ULK4: variants seen among roughly 807,000 people sequenced by gnomAD.
ULK4 encodes the protein inactive serine/threonine-protein kinase ULK4.
ULK4 carries 133 observed loss-of-function variants against 160.6 expected under a neutral mutation model. The ratio of observed to expected loss-of-function variants is 0.83; its 90% CI spans 0.72 to 0.96. ULK4 has a LOEUF of 0.96. Among genes scored for constraint, ULK4 ranks in the 40% least tolerant of loss-of-function variants. ULK4 has a pLI of 0.00. For missense variants in ULK4, 1,580 were observed against 1,499.5 expected, an observed-to-expected ratio of 1.05 and a Z score of -0.89; for synonymous variants, 534 against 539.8, an observed-to-expected ratio of 0.99 and a Z score of 0.15.
chr3:41,710,141 A>T (rs973532293), intron 25 of ULK4, among the ~76,000 whole-genome samples: 6 of 152,230 alleles, frequency 3.9e-5, no homozygotes, highest in African/African-American at 1.4e-4. Context: ...TAAATGCTGA[A>T]ATTATTATTA....
At chr3:41,609,000 C>A (rs2032524114) in intron 31 of ULK4, among the ~76,000 whole-genome samples, 1 of 152,168 alleles carries the variant, frequency 6.6e-6, no homozygotes, top group Non-Finnish European at 1.5e-5. Flanking sequence ...ACTATTTCCT[C>A]AAAGTGAGCA....
intron 5 of ULK4, among the ~76,000 whole-genome samples, chr3:41,922,061 G>C (rs1699203768): frequency 6.6e-6 from 1 of 152,022 alleles, no homozygotes; most frequent in Non-Finnish European, 1.5e-5. Context: ...GCTGAGGCAG[G>C]AGAATGGCAT....
At chr3:41,751,943 A>G (rs2038646125) in intron 22 of ULK4, among the ~76,000 whole-genome samples, 1 of 152,194 alleles carries the variant, frequency 6.6e-6, no homozygotes. Context: ...GAGTGTGCCC[A>G]AAGAAGACAA....
intron 16 of ULK4, among the ~76,000 whole-genome samples, chr3:41,886,719 G>A (rs1399487521): frequency 1.3e-5 from 2 of 152,030 alleles, no homozygotes; most frequent in Admixed American, 6.5e-5. Context: ...GGGATTACAG[G>A]CACGCACCAC....
At chr3:41,552,239 T>C (rs2087097333) in intron 32 of ULK4, among the ~76,000 whole-genome samples, 1 of 151,726 alleles carries the variant, frequency 6.6e-6, no homozygotes, top group African/African-American at 2.4e-5. Flanking sequence ...CTATACAACA[T>C]AAAATTGGAA....
intron 35 of ULK4, among the ~76,000 whole-genome samples, chr3:41,373,295 C>T (rs549318869): frequency 6.6e-6 from 1 of 152,052 alleles, no homozygotes; most frequent in Non-Finnish European, 1.5e-5. Context: ...ACCTAATAGA[C>T]CTCTACAGAA....
intron 21 of ULK4, among the ~76,000 whole-genome samples, chr3:41,774,865 C>A (rs1456095885): frequency 6.6e-6 from 1 of 150,468 alleles, no homozygotes; most frequent in Non-Finnish European, 1.5e-5. Flanking sequence ...AAATGTGGCA[C>A]ATATACACCA....
chr3:41,753,476 G>T (rs1356366228), intron 22 of ULK4, among the ~76,000 whole-genome samples: 1 of 152,216 alleles, frequency 6.6e-6, no homozygotes, highest in Non-Finnish European at 1.5e-5. Context: ...GCACGGATCA[G>T]ATGGTTCAGA....
In ULK4 at chr3:41,707,621, C is replaced by G. The variant is rs539930297; in HGVS notation, c.2635-2316G>C. On this transcript the variant is annotated intron_variant, in intron 25 of 36. Coordinates refer to ENST00000301831, the MANE Select transcript of ULK4 (RefSeq NM_017886.4). ...CCAAATCAGGAGGATAATCTGAGGC[C>G]AGGAGTTTGAGACCAGCTTGGGCAA... Among the ~76,000 whole-genome samples the G allele has an allele frequency of 2.6e-5, 4 of 152,108 alleles. No homozygotes were observed. In the East Asian group the frequency reaches 5.8e-4, roughly 22 times the overall value.
intron 30 of ULK4, among the ~76,000 whole-genome samples, chr3:41,643,467 C>G (rs946295439): frequency 3.3e-5 from 5 of 152,110 alleles, no homozygotes; most frequent in South Asian, 2.1e-4. Flanking sequence ...CCCATTGCTT[C>G]CTTTTCTCAG....
At chr3:41,373,146 T>C (rs1575481164) in intron 35 of ULK4, among the ~76,000 whole-genome samples, 1 of 152,182 alleles carries the variant, frequency 6.6e-6, no homozygotes, top group Admixed American at 6.5e-5. Context: ...AAGCGAGTTA[T>C]TAGAGACCTA....
At chr3:41,669,398 C>T (rs13100652) in intron 29 of ULK4, among the ~76,000 whole-genome samples, 12,601 of 152,022 alleles carry the variant, frequency 0.083, 689 homozygotes, top group Admixed American at 0.14. Context: ...CCCAAAGTAG[C>T]TGAGACCATA....
At chr3:41,882,805 G>A (rs1465621115) in intron 17 of ULK4, among the ~76,000 whole-genome samples, 1 of 152,042 alleles carries the variant, frequency 6.6e-6, no homozygotes, top group African/African-American at 2.4e-5. Flanking sequence ...CATCTCACTG[G>A]AGACCTTTTG....
At chr3:41,754,182 A>T (rs1002380418) in intron 22 of ULK4, among the ~76,000 whole-genome samples, 179 bp downstream of exon 22, 5 of 152,280 alleles carry the variant, frequency 3.3e-5, no homozygotes, top group African/African-American at 1.2e-4. Context: ...CTATAGTTTC[A>T]GAGGTCTTCT....
chr3:41,843,398 G>T (rs2041982441), intron 17 of ULK4, among the ~76,000 whole-genome samples: 1 of 152,310 alleles, frequency 6.6e-6, no homozygotes, highest in South Asian at 2.1e-4. Flanking sequence ...TGAAGCTGCG[G>T]ACCCTCGCGG....
intron 35 of ULK4, among the ~76,000 whole-genome samples, chr3:41,254,179 A>C (rs2078790032): frequency 6.6e-6 from 1 of 152,242 alleles, no homozygotes; most frequent in African/African-American, 2.4e-5. Context: ...TGATCCCATC[A>C]ACAACAGTAT....
intron 34 of ULK4, among the ~76,000 whole-genome samples, chr3:41,428,528 G>A (rs188695910): frequency 1.1e-3 from 174 of 152,216 alleles, no homozygotes; most frequent in African/African-American, 4.1e-3. Flanking sequence ...TATACTACAA[G>A]GCTATAGTCA....
chr3:41,508,245 G>A (rs1474998789), intron 32 of ULK4, among the ~76,000 whole-genome samples: 1 of 152,066 alleles, frequency 6.6e-6, no homozygotes, highest in African/African-American at 2.4e-5. Context: ...ACTGGACTGG[G>A]AACCACACCC....
intron 32 of ULK4, among the ~76,000 whole-genome samples, chr3:41,465,114 A>G (rs1266122088): frequency 6.6e-6 from 1 of 152,220 alleles, no homozygotes; most frequent in Non-Finnish European, 1.5e-5. Context: ...TGATAACGCC[A>G]GCAAAACCCA....
Sources: gnomAD v4.1 joint callset for allele counts (sites outside exome capture counted in the v4.1 genomes callset) on GRCh38, gnomAD v4.1.1 for gene constraint, MANE v1.5 for transcripts, NCBI Gene and HGNC (gene_info 2026-07-23, HGNC 2026-07-21) for gene names.